TENM4: variants seen among roughly 807,000 people sequenced by gnomAD.
The protein encoded by TENM4 is teneurin-4.
TENM4 carries 82 observed loss-of-function variants against 243.3 expected under a neutral mutation model. That is an observed-to-expected ratio of 0.34 (90% CI 0.28 to 0.40). The LOEUF is 0.40. Among genes scored for constraint, TENM4 ranks in the 10% least tolerant of loss-of-function variants. TENM4 has a pLI of 1.00. For synonymous variants in TENM4, 1,412 were observed against 1,456.3 expected (o/e 0.97, Z 0.69); for missense variants, 3,138 against 3,673.3 (o/e 0.85, Z 3.77).
intron 3 of TENM4, among the ~76,000 whole-genome samples, chr11:79,157,532 C>A (rs1239981223): frequency 2.0e-4 from 31 of 152,168 alleles, no homozygotes; most frequent in African/African-American, 7.0e-4. Flanking sequence ...CCAGGTCTTG[C>A]CATCTGTAAC....
chr11:78,733,033 A>AT (rs1855703864), intron 20 of TENM4, among the ~76,000 whole-genome samples: 1 of 152,028 alleles, frequency 6.6e-6, no homozygotes, highest in Non-Finnish European at 1.5e-5. Flanking sequence ...TTTGATCCTC[A>AT]TTTTTTTCAT....
intron 3 of TENM4, among the ~76,000 whole-genome samples, chr11:79,159,294 A>G (rs912902338): frequency 1.3e-5 from 2 of 152,214 alleles, no homozygotes; most frequent in Admixed American, 6.5e-5. Context: ...TTGATCACCA[A>G]ATAAACACCA....
intron 15 of TENM4, among the ~76,000 whole-genome samples, chr11:78,797,110 T>G (rs1857177209): frequency 6.6e-6 from 1 of 152,232 alleles, no homozygotes; most frequent in Admixed American, 6.5e-5. Context: ...TAATAGCCAA[T>G]GGCAGAGTTG....
intron 1 of TENM4, among the ~76,000 whole-genome samples, chr11:79,437,365 C>G (rs140905401): frequency 6.6e-6 from 1 of 152,352 alleles, no homozygotes; most frequent in Non-Finnish European, 1.5e-5. Flanking sequence ...CTGCAGAGCG[C>G]CCGGAGCGCG....
chr11:78,937,859 A>T (rs1408671368), intron 6 of TENM4, among the ~76,000 whole-genome samples: 2 of 152,212 alleles, frequency 1.3e-5, no homozygotes, highest in East Asian at 3.8e-4. Context: ...TTCTGTCTAC[A>T]AAGCTAACCT....
intron 32 of TENM4, among the ~76,000 whole-genome samples, chr11:78,665,243 CTTTCT>C (rs1858128248): frequency 7.0e-6 from 1 of 143,620 alleles, no homozygotes; most frequent in African/African-American, 2.6e-5. Context: ...TTCTTTCTCT[CTTTCT>C]TTTCTTTTTC....
intron 1 of TENM4, among the ~76,000 whole-genome samples, chr11:79,368,999 G>T (rs936228206): frequency 6.6e-6 from 1 of 152,150 alleles, no homozygotes; most frequent in African/African-American, 2.4e-5. Context: ...AGGGGGCTTT[G>T]GTGGTTGCAA....
intron 6 of TENM4, among the ~76,000 whole-genome samples, chr11:78,992,521 C>G (rs1858071760): frequency 6.6e-6 from 1 of 152,202 alleles, no homozygotes; most frequent in Non-Finnish European, 1.5e-5. Flanking sequence ...CACGGGCACT[C>G]AGACTTGCCT....
At chr11:79,233,647 C>CG (rs927965358) in intron 2 of TENM4, among the ~76,000 whole-genome samples, 10 of 151,534 alleles carry the variant, frequency 6.6e-5, no homozygotes, top group South Asian at 2.1e-4. Flanking sequence ...TGGGGCAAGG[C>CG]GGGGGGCTGT....
intron 1 of TENM4, among the ~76,000 whole-genome samples, chr11:79,323,253 T>G (rs1856920827): frequency 1.3e-5 from 2 of 152,140 alleles, no homozygotes; most frequent in Admixed American, 6.5e-5. Flanking sequence ...AACCCAACAC[T>G]CAACATATAA....
rs769314313 is a variant in TENM4 at position 78,657,702 on chromosome 11, A to G, written c.*356T>C. 6 of 412,104 alleles carry G rather than the reference A, an allele frequency of 1.5e-5. No homozygotes were observed. The highest frequency in any genetic ancestry group is 2.7e-5 in the Non-Finnish European group (6 of 220,832). 25.5% of individuals were successfully genotyped at this position (412,104 alleles called of 1,614,324 possible). On this transcript the variant is annotated 3_prime_UTR_variant, in exon 34 of 34. Transcript: ENST00000278550. Reference sequence around the variant, plus strand: ...CACAGACATTCATGTCCCACATCACACTGGGTACCTAGGGACAGACGAGGA... The same window carrying G: ...CACAGACATTCATGTCCCACATCACGCTGGGTACCTAGGGACAGACGAGGA...
chr11:79,140,583 A>C (rs1486693870), intron 4 of TENM4, among the ~76,000 whole-genome samples: 2 of 152,114 alleles, frequency 1.3e-5, no homozygotes, highest in Admixed American at 1.3e-4. Context: ...TCTGCCTGGC[A>C]GAAACAGGGC....
At chr11:79,281,056 C>A (rs1288596662) in intron 2 of TENM4, among the ~76,000 whole-genome samples, 1 of 152,200 alleles carries the variant, frequency 6.6e-6, no homozygotes, top group African/African-American at 2.4e-5. Flanking sequence ...TACAAAAACA[C>A]TGGGCTGTCT....
chr11:79,087,553 C>T (rs747326944), intron 4 of TENM4, among the ~76,000 whole-genome samples: 4 of 152,188 alleles, frequency 2.6e-5, no homozygotes, highest in Admixed American at 1.3e-4. Flanking sequence ...CCAAATCAAA[C>T]AAAAAACCAT....
At chr11:78,961,048 A>C (rs528642413) in intron 6 of TENM4, among the ~76,000 whole-genome samples, 1 of 152,258 alleles carries the variant, frequency 6.6e-6, no homozygotes, top group Admixed American at 6.5e-5. Flanking sequence ...TCCCACAGCA[A>C]TAAAGCTTGT....
At chr11:78,720,299 C>T (rs368818971) in intron 25 of TENM4, 71 bp downstream of exon 25, 5 of 1,547,060 alleles carry the variant, frequency 3.2e-6, no homozygotes, top group Non-Finnish European at 4.5e-6. Context: ...TTGAAATTGA[C>T]ATGTGCAGCT....
At chr11:78,965,897 G>C (rs1264525011) in intron 6 of TENM4, among the ~76,000 whole-genome samples, 1 of 152,098 alleles carries the variant, frequency 6.6e-6, no homozygotes, top group Non-Finnish European at 1.5e-5. Flanking sequence ...CCAAGGTAGG[G>C]TACACAGAAC....
At chr11:79,253,067 T>A (rs549313505) in intron 2 of TENM4, among the ~76,000 whole-genome samples, 1 of 152,344 alleles carries the variant, frequency 6.6e-6, no homozygotes, top group Admixed American at 6.5e-5. Flanking sequence ...CAAGAAGGAA[T>A]GCAACTTACC....
intron 1 of TENM4, among the ~76,000 whole-genome samples, chr11:79,334,120 G>A (rs554313447): frequency 6.6e-6 from 1 of 152,222 alleles, no homozygotes; most frequent in African/African-American, 2.4e-5. Context: ...GTGGGACAAA[G>A]TAAATGGAAT....
Sources: allele counts gnomAD v4.1 joint callset (sites outside exome capture counted in the v4.1 genomes callset), GRCh38; gene constraint gnomAD v4.1.1; transcripts MANE v1.5; gene names NCBI Gene and HGNC (gene_info 2026-07-23, HGNC 2026-07-21).